The following TENM3 variants were observed in gnomAD, a reference collection of about 807,000 sequenced individuals.
The protein encoded by TENM3 is teneurin-3.
TENM3 carries 63 observed loss-of-function variants against 255.1 expected under a neutral mutation model. That is an observed-to-expected ratio of 0.25 (90% confidence interval 0.20 to 0.30). The LOEUF is 0.30. Among genes scored for constraint, TENM3 ranks in the 10% least tolerant of loss-of-function variants. TENM3 has a pLI of 1.00. For synonymous variants in TENM3, 1,306 were observed against 1,322.3 expected (o/e 0.99, Z 0.27); for missense variants, 2,929 against 3,461.1 (o/e 0.85, Z 3.86).
the TENM3 span, among the ~76,000 whole-genome samples, chr4:182,015,561 T>C: frequency 2.6e-5 from 4 of 151,910 alleles, no homozygotes; most frequent in Admixed American, 1.3e-4. Context: ...TTTATTTATT[T>C]ATTTATTTAT....
the TENM3 span, among the ~76,000 whole-genome samples, chr4:181,937,096 C>T: frequency 6.6e-6 from 1 of 151,996 alleles, no homozygotes; most frequent in Non-Finnish European, 1.5e-5. Context: ...AGGAGGTGGC[C>T]CTGGGCAAAG....
At chr4:181,792,072 A>G in the TENM3 span, among the ~76,000 whole-genome samples, 18 of 152,338 alleles carry the variant, frequency 1.2e-4, no homozygotes, top group East Asian at 3.1e-3. Context: ...TGGCTTACCT[A>G]TAATAAACCC....
the TENM3 span, among the ~76,000 whole-genome samples, chr4:181,545,009 C>A: frequency 5.3e-5 from 8 of 152,286 alleles, no homozygotes; most frequent in East Asian, 1.5e-3. Flanking sequence ...TGATTGATTG[C>A]AAGGTGGCAT....
intron 3 of TENM3, among the ~76,000 whole-genome samples, chr4:182,557,686 C>T (rs565946741): frequency 1.3e-5 from 2 of 152,252 alleles, no homozygotes; most frequent in East Asian, 3.9e-4. Context: ...TCAGACCACA[C>T]AGTCTCCCTT....
chr4:181,483,606 G>A, the TENM3 span, among the ~76,000 whole-genome samples: 2 of 152,066 alleles, frequency 1.3e-5, no homozygotes, highest in Non-Finnish European at 2.9e-5. Flanking sequence ...ATTATAGATC[G>A]TATTTCCTTA....
chr4:182,696,430 A>G (rs1757416193), intron 12 of TENM3, among the ~76,000 whole-genome samples: 1 of 152,194 alleles, frequency 6.6e-6, no homozygotes, highest in African/African-American at 2.4e-5. Flanking sequence ...AGCACTGAAT[A>G]AAAAATGGAT....
rs35326593 is a variant in TENM3, at chr4:182,615,069, A to AT, written c.750-13572dup. ...TACATATATATATATATATATATGT[A>AT]TTTTTTTTTTCTTCTCCAAATAGCA... On this transcript the variant is annotated intron_variant, in intron 4 of 27. Transcript: ENST00000511685. Among the ~76,000 whole-genome samples, 1,242 of 130,358 alleles carry AT rather than the reference A, an allele frequency of 9.5e-3. 31 individuals carry two copies. The highest frequency in any genetic ancestry group is 0.086 in the East Asian group (384 of 4,478). 85.5% of individuals were successfully genotyped at this position (130,358 alleles called of 152,430 possible).
chr4:181,747,024 G>A, the TENM3 span, among the ~76,000 whole-genome samples: 1 of 151,986 alleles, frequency 6.6e-6, no homozygotes, highest in African/African-American at 2.4e-5. Context: ...CTGTATTCAT[G>A]AAGTCAATTC....
chr4:182,162,549 A>G (rs1043100602), intron 1 of TENM3, among the ~76,000 whole-genome samples: 1 of 152,164 alleles, frequency 6.6e-6, no homozygotes, highest in African/African-American at 2.4e-5. Flanking sequence ...CCAAGTTGGT[A>G]TTCTGAACAC....
the TENM3 span, among the ~76,000 whole-genome samples, chr4:181,700,005 T>C: frequency 3.9e-5 from 6 of 152,246 alleles, no homozygotes; most frequent in East Asian, 1.9e-4. Flanking sequence ...TCTATGAAGA[T>C]AGAGAAAACT....
At chr4:182,475,601 T>C (rs1014082074) in intron 3 of TENM3, among the ~76,000 whole-genome samples, 2 of 152,232 alleles carry the variant, frequency 1.3e-5, no homozygotes, top group Non-Finnish European at 2.9e-5. Context: ...ATTGATACTT[T>C]GGTAGCTTGC....
rs1750195625 is a variant in TENM3 at position 182,621,679 on chromosome 4, A to ATATAT, written c.750-6972_750-6971insTATAT. Among the ~76,000 whole-genome samples the ATATAT allele has an allele frequency of 8.3e-5, 2 of 24,080 alleles. 1 individual carries two copies. The highest frequency in any genetic ancestry group is 3.0e-4 in the African/African-American group (2 of 6,776). The allele number at this position is 24,080 out of a possible 152,430, so 15.8% of individuals were successfully genotyped here. A position where few individuals can be genotyped will look rare whatever the true frequency, so the allele number is the denominator to read the frequency against. ...ATATATAATATGTATTATATATATA[A>ATATAT]AATATATAATATATATTATATATAA... On this transcript the variant is annotated intron_variant, in intron 4 of 27. Coordinates refer to ENST00000511685, the MANE Select transcript of TENM3 (RefSeq NM_001080477.4).
Position 182,608,910 on chromosome 4 carries a change from C to T in TENM3, c.749+7749C>T, listed in dbSNP as rs933597720. 2.6e-5 allele frequency among the ~76,000 whole-genome samples: 4 copies of T among 152,332 alleles called. No homozygotes were observed. In the East Asian group the frequency reaches 7.7e-4, roughly 30 times the overall value. On this transcript the variant is annotated intron_variant, in intron 4 of 27. Coordinates refer to ENST00000511685, the MANE Select transcript of TENM3 (RefSeq NM_001080477.4). Reference sequence around the variant, plus strand: ...AGCCAGGGGCTCAGGGGCGGCTTCCCTATGGCACTCGGTGCCGCCGCAGGA... The same window carrying T: ...AGCCAGGGGCTCAGGGGCGGCTTCCTTATGGCACTCGGTGCCGCCGCAGGA...
chr4:182,495,730 T>A (rs566418513), intron 3 of TENM3, among the ~76,000 whole-genome samples: 5 of 152,364 alleles, frequency 3.3e-5, no homozygotes, highest in Non-Finnish European at 5.9e-5. Context: ...CTTCATTTGC[T>A]GAAATGCTTC....
At chr4:181,878,781 A>G in the TENM3 span, among the ~76,000 whole-genome samples, 1 of 151,986 alleles carries the variant, frequency 6.6e-6, no homozygotes, top group African/African-American at 2.4e-5. Context: ...CCATCCATCC[A>G]TCTGCCTACC....
rs756621332 is a variant in TENM3 at position 182,792,924 on chromosome 4, T to C, written c.6252T>C (p.His2084=). 1.2e-6 allele frequency: 2 copies of C among 1,613,920 alleles called. No homozygotes were observed. The highest frequency in any genetic ancestry group is 8.5e-7 in the Non-Finnish European group (1 of 1,179,830). Residue 2084 remains histidine, a synonymous_variant, in exon 26 of 28, where the codon CAT becomes CAC. Transcript: ENST00000511685. The surrounding 1 kb of genome is among the most constrained non-coding windows in gnomAD (Gnocchi z 6.3). ...CCTATACGAAGCACTTTGATGCTCA[T>C]GGCCGTATCAAGGAGATTCAATATG... ...VMTYTKHFDA[H]GRIKEIQYEI... is the part of the protein sequence containing the mutation.
the TENM3 span, among the ~76,000 whole-genome samples, chr4:181,640,626 G>A: frequency 3.7e-3 from 558 of 152,234 alleles, 18 homozygotes; most frequent in South Asian, 0.053. Context: ...ATTTTTGTTT[G>A]CCCCTCCAGA....
chr4:182,095,709 G>C, the TENM3 span, among the ~76,000 whole-genome samples: 6 of 151,888 alleles, frequency 4.0e-5, no homozygotes, highest in African/African-American at 1.5e-4. Context: ...AACATAACTA[G>C]AAAAGTGGAA....
chr4:181,606,309 G>C, the TENM3 span, among the ~76,000 whole-genome samples: 1 of 152,102 alleles, frequency 6.6e-6, no homozygotes, highest in Admixed American at 6.5e-5. Flanking sequence ...GTCTCTCTCT[G>C]TGCCATGCCA....
Sources: gnomAD v4.1 joint callset for allele counts (sites outside exome capture counted in the v4.1 genomes callset) on GRCh38, gnomAD v4.1.1 for gene constraint, Gnocchi (gnomAD v3.1) non-coding constraint, MANE v1.5 for transcripts, NCBI Gene and HGNC (gene_info 2026-07-23, HGNC 2026-07-21) for gene names.